The following NR2F6 variants were observed in gnomAD, a reference collection of about 807,000 sequenced individuals.
NR2F6 encodes the protein ERBA-related gene-2.
NR2F6 carries 16 observed loss-of-function variants against 26.5 expected under a neutral mutation model. The observed-to-expected ratio is 0.60, with a 90% CI of 0.41 to 0.92. The LOEUF is 0.92. Among genes scored for constraint, NR2F6 ranks in the 40% least tolerant of loss-of-function variants. The probability of loss-of-function intolerance (pLI) is 0.00; values close to 1 mark genes in which losing one functional copy is unlikely to be tolerated. For missense variants in NR2F6, 536 were observed against 631.7 expected (o/e 0.85, Z 1.62); for synonymous variants, 325 against 305.0 (o/e 1.07, Z -0.68).
rs2073409693 is a variant in NR2F6 at position 17,231,943 on chromosome 19, G to A, written c.*409C>T. ...AGTCATCATGTAGTGTCTGACATAG[G>A]TTACGTGTCCAGAGGATCTGCCTGG... is the stretch of plus-strand genomic sequence containing the variant. On this transcript the variant is annotated 3_prime_UTR_variant, in exon 4 of 4. Coordinates refer to ENST00000291442, the MANE Select transcript of NR2F6 (RefSeq NM_005234.4). The A allele has an allele frequency of 4.7e-6, 1 of 213,778 alleles. No individual in the cohort carries two copies. Among genetic ancestry groups the A allele is most frequent in the Non-Finnish European group, 9.5e-6 (1 of 105,548 alleles). 13.2% of individuals were successfully genotyped at this position (213,778 alleles called of 1,614,324 possible). A position where few individuals can be genotyped will look rare whatever the true frequency, so the allele number is the denominator to read the frequency against.
chr19:17,245,270 G>C lies in NR2F6; in HGVS notation c.-50C>G. 1 of 1,210,446 alleles carries C rather than the reference G, an allele frequency of 8.3e-7. No individual in the cohort carries two copies. Among genetic ancestry groups the C allele is most frequent in the Non-Finnish European group, 1.0e-6 (1 of 975,590 alleles). The allele number at this position is 1,210,446 out of a possible 1,614,324, so 75.0% of individuals were successfully genotyped here. A position where few individuals can be genotyped will look rare whatever the true frequency, so the allele number is the denominator to read the frequency against. On this transcript the variant is annotated 5_prime_UTR_variant, in exon 1 of 4. Coordinates refer to ENST00000291442, the MANE Select transcript of NR2F6 (RefSeq NM_005234.4). This position sits in a 1 kb window ranked among gnomAD's most constrained non-coding sequence, Gnocchi z 5.0. Reference sequence around the variant, plus strand: ...CGCCCCCACCGCGCTCTTCCCTCCGGGCACCCCTCTCGGCCCGGGGGACCC... The same window carrying C: ...CGCCCCCACCGCGCTCTTCCCTCCGCGCACCCCTCTCGGCCCGGGGGACCC...
Position 17,236,001 on chromosome 19 carries a change from G to C in NR2F6, c.438C>G (p.Pro146=), listed in dbSNP as rs1389813001. 4 of 1,428,626 alleles carry C rather than the reference G, an allele frequency of 2.8e-6. No individual in the cohort carries two copies. Among genetic ancestry groups the C allele is most frequent in the Admixed American group, 2.8e-5 (1 of 35,546 alleles). The allele number at this position is 1,428,626 out of a possible 1,614,324, so 88.5% of individuals were successfully genotyped here. The part of the protein sequence containing the change: ...PGAVAASSGS[P]PGSALAAVAS... ...CCACTGCCGCCAGCGCCGAGCCCGG[G>C]GGGCTGCCCGAGGAGGCGGCCACGG... Residue 146 remains proline, a synonymous_variant, in exon 3 of 4, where the codon CCC becomes CCG. Coordinates refer to ENST00000291442, the MANE Select transcript of NR2F6 (RefSeq NM_005234.4).
chr19:17,232,822 G>A (rs1183177318), intron 3 of NR2F6, among the ~76,000 whole-genome samples, 196 bp from the exon 4 acceptor site: 6 of 152,122 alleles, frequency 3.9e-5, no homozygotes, highest in Admixed American at 2.0e-4. Context: ...GACCAGCCAG[G>A]GCAACATAGT....
intron 2 of NR2F6, among the ~76,000 whole-genome samples, 197 bp downstream of exon 2, chr19:17,240,474 G>A (rs531129504): frequency 6.6e-6 from 1 of 152,338 alleles, no homozygotes; most frequent in East Asian, 1.9e-4. Flanking sequence ...TCCAGCCTAG[G>A]GCCAGACTGC....
intron 1 of NR2F6, chr19:17,244,612 T>G: frequency 3.7e-6 from 1 of 271,144 alleles, no homozygotes; most frequent in Non-Finnish European, 7.0e-6. Flanking sequence ...GCCCTGGGGT[T>G]GGGTTACCAC....
In NR2F6 at chr19:17,232,231, T is replaced by C. The variant is rs561474824; in HGVS notation, c.*121A>G. The C allele has an allele frequency of 2.7e-5, 35 of 1,316,238 alleles. No individual in the cohort carries two copies. The African/African-American group carries it at 3.0e-4, about 11-fold the overall frequency. 81.5% of individuals were successfully genotyped at this position (1,316,238 alleles called of 1,614,324 possible). On this transcript the variant is annotated 3_prime_UTR_variant, in exon 4 of 4. Transcript: ENST00000291442. ...CAAACATTTCACAGTCTTTAAAAAA[T>C]AGAAGTCTGAGGAGAGAAGCCAGAG...
rs538232925 is a variant in NR2F6, at chr19:17,232,669, A to C, written c.941-43T>G. 9.6e-5 allele frequency: 145 copies of C among 1,508,962 alleles called. 2 individuals are homozygous for C. In the South Asian group the frequency reaches 1.8e-3, roughly 19 times the overall value. The allele number at this position is 1,508,962 out of a possible 1,614,324, so 93.5% of individuals were successfully genotyped here. ...AGTCAGACAGGTGGGAGGCAGCTAG[A>C]GAACACAGAGCCCACAGGGGTGACT... On this transcript the variant is annotated intron_variant, in intron 3 of 3. Transcript: ENST00000291442.
At chr19:17,240,563 TG>T (rs2073463502) in intron 2 of NR2F6, 107 bp downstream of exon 2, 2 of 1,057,348 alleles carry the variant, frequency 1.9e-6, no homozygotes, top group African/African-American at 1.6e-5. Flanking sequence ...CAGACCCCTG[TG>T]AAAGGGAGGG....
chr19:17,236,675 G>A (rs2073440401), intron 2 of NR2F6, among the ~76,000 whole-genome samples: 1 of 152,168 alleles, frequency 6.6e-6, no homozygotes, highest in Admixed American at 6.5e-5. Context: ...ATGGAACAGG[G>A]ATCATTTCTC....
At chr19:17,242,728 T>TGCAG (rs1169367642) in intron 1 of NR2F6, among the ~76,000 whole-genome samples, 4 of 152,158 alleles carry the variant, frequency 2.6e-5, no homozygotes, top group African/African-American at 7.2e-5. Context: ...GGGGCGGCCC[T>TGCAG]GCAGGCAGGC....
In NR2F6 at chr19:17,235,543, G is replaced by A. The variant is rs774035729; in HGVS notation, c.896C>T (p.Ser299Leu). ...GGCCTTGAGGCAGCCATACTCGGCC[G>A]AGTCGACCTGCAGGCGGCCCAGCTT... ...VDKLGRLQVD[S>L]AEYGCLKAIA... is the part of the protein sequence containing the mutation. The change falls in exon 3 of 4, where the codon TCG becomes TTG. Residue 299 changes from serine (S) to leucine (L), a missense_variant. Physicochemically the swap from Ser to Leu is moderately radical, Grantham distance 145 (BLOSUM62 -2). Coordinates refer to ENST00000291442, the MANE Select transcript of NR2F6 (RefSeq NM_005234.4). The surrounding 1 kb of genome is among the most constrained non-coding windows in gnomAD (Gnocchi z 5.0). 3.1e-6 allele frequency: 5 copies of A among 1,596,710 alleles called. No individual in the cohort carries two copies. The highest frequency in any genetic ancestry group is 1.3e-5 in the African/African-American group (1 of 74,822).
intron 3 of NR2F6, among the ~76,000 whole-genome samples, chr19:17,234,934 T>G (rs939421621): frequency 6.6e-6 from 1 of 152,166 alleles, no homozygotes; most frequent in Non-Finnish European, 1.5e-5. Flanking sequence ...TGGAATACGA[T>G]GGGCTACCAC....
Position 17,244,960 on chromosome 19 carries a change from G to A in NR2F6, c.261C>T (p.Asn87=). The A allele has an allele frequency of 1.3e-6, 2 of 1,564,908 alleles. No individual in the cohort carries two copies. The highest frequency in any genetic ancestry group is 1.7e-6 in the Non-Finnish European group (2 of 1,155,320). ...KSFFKRSIRR[N]LSYTCRSNRD... ...GGGCTCACCGGCAGGTGTAGCTGAG[G>A]TTGCGGCGGATGCTTCGCTTGAAAA... The change falls in exon 1 of 4, where the codon AAC becomes AAT. Residue 87 remains asparagine, a synonymous_variant. Transcript: ENST00000291442.
intron 3 of NR2F6, among the ~76,000 whole-genome samples, chr19:17,234,222 CAAA>C (rs1277277620): frequency 1.1e-5 from 1 of 89,160 alleles, no homozygotes. Context: ...GACTCCGTCT[CAAA>C]AAAAAAAAAA....
In NR2F6 at chr19:17,235,373, G is replaced by A. The variant is rs1044078136; in HGVS notation, c.940+126C>T. ...ACCCAAGAGCGTTCACTCACGGCGCGTGCAGGGCCCCAGGCCTAGGGAGCG... is the reference window on the plus strand; with the variant it reads ...ACCCAAGAGCGTTCACTCACGGCGCATGCAGGGCCCCAGGCCTAGGGAGCG... On this transcript the variant is annotated intron_variant, in intron 3 of 3. Transcript: ENST00000291442. The surrounding 1 kb of genome is among the most constrained non-coding windows in gnomAD (Gnocchi z 5.0). The A allele has an allele frequency of 4.1e-6, 6 of 1,466,248 alleles. No individual in the cohort carries two copies. Among genetic ancestry groups the A allele is most frequent in the Admixed American group, 4.7e-5 (2 of 42,660 alleles). 90.8% of individuals were successfully genotyped at this position (1,466,248 alleles called of 1,614,324 possible).
chr19:17,238,743 C>T (rs1017629929), intron 2 of NR2F6, among the ~76,000 whole-genome samples: 60 of 152,314 alleles, frequency 3.9e-4, no homozygotes, highest in African/African-American at 1.3e-3. Flanking sequence ...CTGCCTCTCT[C>T]AGCTTCTCCC....
Position 17,235,737 on chromosome 19 carries a change from C to A in NR2F6, c.702G>T (p.Leu234=). The A allele has an allele frequency of 6.7e-7, 1 of 1,501,340 alleles. No homozygotes were observed. Among genetic ancestry groups the A allele is most frequent in the South Asian group, 1.2e-5 (1 of 80,686 alleles). The allele number at this position is 1,501,340 out of a possible 1,614,324, so 93.0% of individuals were successfully genotyped here. A position where few individuals can be genotyped will look rare whatever the true frequency, so the allele number is the denominator to read the frequency against. Reference sequence around the variant, plus strand: ...AGAGCTCGCTCCAGCTCAGGCGCAGCAGCGCCACCTGGTCGGCCACCGGCA... The same window carrying A: ...AGAGCTCGCTCCAGCTCAGGCGCAGAAGCGCCACCTGGTCGGCCACCGGCA... The part of the protein sequence containing the change: ...PELPVADQVA[L]LRLSWSELFV... Residue 234 remains leucine, a synonymous_variant, in exon 3 of 4, where the codon CTG becomes CTT. Coordinates refer to ENST00000291442, the MANE Select transcript of NR2F6 (RefSeq NM_005234.4). This position sits in a 1 kb window ranked among gnomAD's most constrained non-coding sequence, Gnocchi z 5.0.
chr19:17,233,182 T>C (rs796885576), intron 3 of NR2F6, among the ~76,000 whole-genome samples: 2 of 151,992 alleles, frequency 1.3e-5, no homozygotes, highest in African/African-American at 4.8e-5. Flanking sequence ...TCCAGTGTGA[T>C]GGCACACGCT....
At chr19:17,240,347 A>G (rs1485479651) in intron 2 of NR2F6, among the ~76,000 whole-genome samples, 3 of 152,226 alleles carry the variant, frequency 2.0e-5, no homozygotes, top group Non-Finnish European at 4.4e-5. Context: ...GTCGGGGGTA[A>G]TTGGGGAAGG....
Sources: allele counts gnomAD v4.1 joint callset (sites outside exome capture counted in the v4.1 genomes callset), GRCh38; gene constraint gnomAD v4.1.1; non-coding constraint Gnocchi (gnomAD v3.1); transcripts MANE v1.5; gene names NCBI Gene and HGNC (gene_info 2026-07-23, HGNC 2026-07-21).